MOBP: variants seen among roughly 807,000 people sequenced by gnomAD.
The protein encoded by MOBP is myelin-associated oligodendrocyte basic protein.
MOBP carries 5 observed loss-of-function variants against 15.0 expected under a neutral mutation model. That is an observed-to-expected ratio of 0.33 (90% CI 0.17 to 0.70). MOBP has a LOEUF of 0.70. Ranked by LOEUF, MOBP falls within the 30% of genes least tolerant of loss-of-function variation. The pLI is 0.67. For synonymous variants in MOBP, 88 were observed against 99.0 expected, an observed-to-expected ratio of 0.89 and a Z score of 0.66; for missense variants, 188 against 257.8, an observed-to-expected ratio of 0.73 and a Z score of 1.85.
intron 1 of MOBP, among the ~76,000 whole-genome samples, chr3:39,477,804 T>G (rs2042564441): frequency 6.6e-6 from 1 of 151,734 alleles, no homozygotes; most frequent in South Asian, 2.1e-4. Flanking sequence ...CCTAAGCTAA[T>G]GTGTCTGTTT....
chr3:39,474,518 C>T (rs549812607), intron 1 of MOBP, among the ~76,000 whole-genome samples: 26 of 152,136 alleles, frequency 1.7e-4, no homozygotes, highest in Non-Finnish European at 3.2e-4. Flanking sequence ...AAAAATACAA[C>T]ATTATAATTT....
At chr3:39,495,628 C>G (rs2042867319) in intron 2 of MOBP, among the ~76,000 whole-genome samples, 1 of 151,154 alleles carries the variant, frequency 6.6e-6, no homozygotes, top group Non-Finnish European at 1.5e-5. Context: ...TAGCACGCAC[C>G]TGTAGTCCCA....
At chr3:39,505,520 G>T (rs549299427), downstream of MOBP, among the ~76,000 whole-genome samples, 58 of 152,252 alleles carry the variant, frequency 3.8e-4, no homozygotes, top group African/African-American at 1.4e-3. Context: ...CCTATCTGTG[G>T]CATATACTCT....
At position 39,473,043 on chromosome 3, in the gene MOBP, C is replaced by T. The variant is rs534759626; in HGVS notation, c.-89+5303C>T. On this transcript the variant is annotated intron_variant, in intron 1 of 3. Coordinates refer to ENST00000684792, the MANE Select transcript of MOBP (RefSeq NM_001393704.1). ...CTGCTTTCCACAACCTGGAAATCTG[C>T]GGGGCTGGACTGGGCCCCTGGGATT... is the stretch of plus-strand genomic sequence containing the variant. Among the ~76,000 whole-genome samples, 51 of 152,214 alleles carry T rather than the reference C, an allele frequency of 3.4e-4. No homozygotes were observed. In the South Asian group the frequency reaches 6.4e-3, roughly 19 times the overall value.
At chr3:39,520,620 A>G (rs2043255732), downstream of MOBP, among the ~76,000 whole-genome samples, 1 of 152,066 alleles carries the variant, frequency 6.6e-6, no homozygotes, top group Non-Finnish European at 1.5e-5. Context: ...AGAGAGAGAC[A>G]GAGGAAAAGA....
intron 1 of MOBP, among the ~76,000 whole-genome samples, chr3:39,469,518 G>A (rs893846172): frequency 2.0e-5 from 3 of 151,796 alleles, no homozygotes; most frequent in East Asian, 1.9e-4. Flanking sequence ...TCCAAGGAGC[G>A]AATTGAGAAC....
intron 1 of MOBP, among the ~76,000 whole-genome samples, chr3:39,469,969 T>C (rs2042446397): frequency 6.6e-6 from 1 of 152,216 alleles, no homozygotes; most frequent in Non-Finnish European, 1.5e-5. Context: ...AAGTGAGGTA[T>C]TCAATTTAGA....
At chr3:39,521,558 A>G (rs116645258) in intron 3 of MOBP, among the ~76,000 whole-genome samples, 141 of 152,292 alleles carry the variant, frequency 9.3e-4, no homozygotes, top group Admixed American at 1.3e-3. Context: ...TATATTTGTA[A>G]TATATTTAAA....
intron 1 of MOBP, among the ~76,000 whole-genome samples, chr3:39,477,987 T>C (rs542238726): frequency 1.3e-5 from 2 of 152,264 alleles, no homozygotes; most frequent in Admixed American, 6.5e-5. Context: ...AATTTAAGTT[T>C]ATAAAGTAAA....
intron 4 of MOBP, among the ~76,000 whole-genome samples, chr3:39,512,913 G>A (rs965608350): frequency 2.0e-5 from 3 of 152,180 alleles, no homozygotes; most frequent in Admixed American, 1.3e-4. Flanking sequence ...TTTATTGGAT[G>A]TTGTTTATCT....
At chr3:39,499,036 GTTAT>G (rs957057999) in intron 2 of MOBP, among the ~76,000 whole-genome samples, 5 of 152,120 alleles carry the variant, frequency 3.3e-5, no homozygotes, top group Non-Finnish European at 7.4e-5. Flanking sequence ...TAAATTTTCT[GTTAT>G]TTGTGACGGG....
chr3:39,488,591 CT>C (rs2042749553), intron 2 of MOBP, among the ~76,000 whole-genome samples: 1 of 152,176 alleles, frequency 6.6e-6, no homozygotes, highest in Admixed American at 6.5e-5. Flanking sequence ...CAGGCTTAAC[CT>C]GTGTGGAACA....
chr3:39,509,065 C>T (rs747533799), intron 4 of MOBP, among the ~76,000 whole-genome samples: 127 of 142,952 alleles, frequency 8.9e-4, no homozygotes, highest in Non-Finnish European at 1.6e-3. Context: ...TATATACATA[C>T]GTGCACATAT....
chr3:39,468,961 T>G (rs2042401739), intron 1 of MOBP, among the ~76,000 whole-genome samples: 2 of 112,956 alleles, frequency 1.8e-5, no homozygotes, highest in Admixed American at 1.7e-4. Context: ...CATATATACA[T>G]ATGTGTGTGT....
chr3:39,502,034 T>A lies in MOBP; in HGVS notation c.-4-32T>A. Reference sequence around the variant, plus strand: ...CCCTTTCCTGATGTGCGTTTATGTCTCCTCCTGTCTCCTTGCATCGGCGAT... The same window carrying A: ...CCCTTTCCTGATGTGCGTTTATGTCACCTCCTGTCTCCTTGCATCGGCGAT... On this transcript the variant is annotated intron_variant, in intron 2 of 3. Coordinates refer to ENST00000684792, the MANE Select transcript of MOBP (RefSeq NM_001393704.1). This position sits in a 1 kb window ranked among gnomAD's most constrained non-coding sequence, Gnocchi z 6.3. 6.3e-7 allele frequency: 1 copy of A among 1,585,474 alleles called. No homozygotes were observed. Among genetic ancestry groups the A allele is most frequent in the East Asian group, 2.2e-5 (1 of 44,736 alleles).
At chr3:39,472,422 G>C (rs755621377) in intron 1 of MOBP, among the ~76,000 whole-genome samples, 1 of 152,004 alleles carries the variant, frequency 6.6e-6, no homozygotes, top group Non-Finnish European at 1.5e-5. Context: ...AAAATTTTGG[G>C]GTTCTGTACA....
At position 39,496,878 on chromosome 3, in the gene MOBP, G is replaced by T. The variant is rs576299587; in HGVS notation, c.-4-5188G>T. 1.7e-4 allele frequency among the ~76,000 whole-genome samples: 26 copies of T among 151,960 alleles called. No homozygotes were observed. The South Asian group carries it at 3.5e-3, about 21-fold the overall frequency. On this transcript the variant is annotated intron_variant, in intron 2 of 3. Transcript: ENST00000684792. ...GGGTTTCTCCATGTTGGTCCTGCTG[G>T]TCTCGAACTCCCAACCTTGGGTGAT... is the stretch of plus-strand genomic sequence containing the variant.
At chr3:39,526,252 G>A (rs1338102003), downstream of MOBP, 1 of 152,220 alleles carries the variant, frequency 6.6e-6, no homozygotes, top group East Asian at 1.9e-4. Context: ...TGAGAGTATA[G>A]TGCATATTAA....
At chr3:39,469,017 TA>T (rs2042407551) in intron 1 of MOBP, among the ~76,000 whole-genome samples, 1 of 101,602 alleles carries the variant, frequency 9.8e-6, no homozygotes, top group Non-Finnish European at 1.8e-5. Context: ...CATATATACA[TA>T]TGTGTGTATA....
Sources: gnomAD v4.1 joint callset for allele counts (sites outside exome capture counted in the v4.1 genomes callset) on GRCh38, gnomAD v4.1.1 for gene constraint, Gnocchi (gnomAD v3.1) non-coding constraint, MANE v1.5 for transcripts, NCBI Gene and HGNC (gene_info 2026-07-23, HGNC 2026-07-21) for gene names.